The following TIAM1 variants were observed in gnomAD, a reference collection of about 807,000 sequenced individuals.
TIAM1 encodes the protein TIAM Rac1 associated GEF 1.
TIAM1 carries 65 observed loss-of-function variants against 163.5 expected under a neutral mutation model. The observed-to-expected ratio is 0.40, with a 90% confidence interval of 0.33 to 0.49. TIAM1 has a LOEUF of 0.49. Among genes scored for constraint, TIAM1 ranks in the 20% least tolerant of loss-of-function variants. The pLI, the probability that TIAM1 is intolerant of heterozygous loss-of-function variation, is 0.77. For missense variants in TIAM1, 1,789 were observed against 2,044.7 expected, an observed-to-expected ratio of 0.87 and a Z score of 2.41; for synonymous variants, 833 against 810.1, an observed-to-expected ratio of 1.03 and a Z score of -0.48.
chr21:31,387,191 TTC>T (rs201256004), intron 2 of TIAM1, among the ~76,000 whole-genome samples: 1 of 120,992 alleles, frequency 8.3e-6, no homozygotes, highest in Admixed American at 9.7e-5. Flanking sequence ...TAGAAGCTTA[TTC>T]TCTTTTTTTT....
intron 2 of TIAM1, among the ~76,000 whole-genome samples, chr21:31,410,301 AAT>A (rs2077327450): frequency 1.3e-5 from 2 of 151,208 alleles, no homozygotes. Flanking sequence ...TAGTGTGTGT[AAT>A]GAGACAGTGT....
intron 2 of TIAM1, among the ~76,000 whole-genome samples, chr21:31,446,674 A>C (rs968873856): frequency 1.3e-5 from 2 of 152,272 alleles, no homozygotes; most frequent in Admixed American, 6.5e-5. Context: ...CACTCACCAC[A>C]AACAGGAAAT....
intron 4 of TIAM1, among the ~76,000 whole-genome samples, chr21:31,256,803 A>G (rs188008346): frequency 7.2e-5 from 11 of 152,324 alleles, no homozygotes; most frequent in South Asian, 4.1e-4. Flanking sequence ...AAGACACTGT[A>G]TAAGACACTG....
intron 4 of TIAM1, among the ~76,000 whole-genome samples, chr21:31,258,918 T>C (rs1210359972): frequency 6.6e-6 from 1 of 152,134 alleles, no homozygotes; most frequent in African/African-American, 2.4e-5. Context: ...AATGACAATG[T>C]GACAGGCTGG....
intron 2 of TIAM1, among the ~76,000 whole-genome samples, chr21:31,430,241 TATATATACAC>T (rs1167369144): frequency 3.0e-5 from 4 of 133,584 alleles, no homozygotes; most frequent in African/African-American, 1.2e-4. Flanking sequence ...TATATATATA[TATATATACAC>T]ACACACACAC....
At chr21:31,210,298 C>G in intron 10 of TIAM1, 83 bp from the exon 11 acceptor site, 2 of 1,447,498 alleles carry the variant, frequency 1.4e-6, no homozygotes, top group South Asian at 1.3e-5. Context: ...CAGGAATCAC[C>G]GATTCCCATG....
At chr21:31,447,648 C>T (rs911597982) in intron 2 of TIAM1, among the ~76,000 whole-genome samples, 2 of 152,122 alleles carry the variant, frequency 1.3e-5, no homozygotes, top group South Asian at 2.1e-4. Context: ...CTGTGGCTCA[C>T]GTGTTTCCCT....
At chr21:31,297,888 C>T (rs1226305790) in intron 2 of TIAM1, among the ~76,000 whole-genome samples, 4 of 152,096 alleles carry the variant, frequency 2.6e-5, no homozygotes, top group African/African-American at 4.8e-5. Flanking sequence ...ACAGGTTATC[C>T]TAGTGCTCAA....
At chr21:31,256,698 T>C (rs2072130373) in intron 4 of TIAM1, among the ~76,000 whole-genome samples, 1 of 151,588 alleles carries the variant, frequency 6.6e-6, no homozygotes, top group Non-Finnish European at 1.5e-5. Flanking sequence ...ATAATCTCAG[T>C]ACAGCAAGTA....
chr21:31,124,515 A>G lies in TIAM1; in HGVS notation c.4306+7T>C. 1 of 1,612,362 alleles carries G rather than the reference A, an allele frequency of 6.2e-7. No individual in the cohort carries two copies. Among genetic ancestry groups the G allele is most frequent in the Non-Finnish European group, 8.5e-7 (1 of 1,179,764 alleles). On this transcript the variant is annotated splice_region_variant and intron_variant, in intron 27 of 27. Coordinates refer to ENST00000541036, the MANE Select transcript of TIAM1 (RefSeq NM_001353694.2). ...GGGAATCTTGAACGTCCGAATCCCC[A>G]CAGTACCTGCCCTGCTCATGGCCGG... is the stretch of plus-strand genomic sequence containing the variant.
At chr21:31,506,780 T>C (rs2047042455) in intron 1 of TIAM1, among the ~76,000 whole-genome samples, 1 of 152,132 alleles carries the variant, frequency 6.6e-6, no homozygotes, top group Admixed American at 6.5e-5. Flanking sequence ...TAGCCAGGCA[T>C]GGTGGCGCAA....
intron 1 of TIAM1, among the ~76,000 whole-genome samples, chr21:31,500,894 T>TA (rs1272667067): frequency 6.6e-6 from 1 of 152,238 alleles, no homozygotes; most frequent in East Asian, 1.9e-4. Flanking sequence ...TGTGCTATGT[T>TA]ATAACGGCAG....
chr21:31,549,585 G>A (rs959009801), intron 1 of TIAM1, among the ~76,000 whole-genome samples: 1 of 152,158 alleles, frequency 6.6e-6, no homozygotes, highest in Admixed American at 6.6e-5. Flanking sequence ...ATTATTTATT[G>A]GAGAAATGCA....
intron 1 of TIAM1, among the ~76,000 whole-genome samples, chr21:31,551,961 G>A (rs138129062): frequency 7.1e-4 from 108 of 152,034 alleles, no homozygotes; most frequent in African/African-American, 2.5e-3. Context: ...AAACAGGACC[G>A]GGGCAGAAGA....
chr21:31,155,875 AG>A (rs1394333673), intron 16 of TIAM1, among the ~76,000 whole-genome samples: 3 of 152,160 alleles, frequency 2.0e-5, no homozygotes, highest in African/African-American at 4.8e-5. Flanking sequence ...ATTCAACTCT[AG>A]GCACAAAGCA....
intron 2 of TIAM1, among the ~76,000 whole-genome samples, chr21:31,400,444 CT>C (rs2147217181): frequency 6.6e-6 from 1 of 152,210 alleles, no homozygotes; most frequent in East Asian, 1.9e-4. Flanking sequence ...ACCACACTTT[CT>C]GATTTATAAA....
At chr21:31,267,023 A>G (rs765506022) in intron 3 of TIAM1, 40 bp from the exon 4 acceptor site, 17 of 1,553,382 alleles carry the variant, frequency 1.1e-5, no homozygotes, top group Admixed American at 1.8e-5. Flanking sequence ...TTGAGTCACT[A>G]TTAGTACAGG....
chr21:31,410,374 A>T (rs1341990328), intron 2 of TIAM1, among the ~76,000 whole-genome samples: 1 of 151,152 alleles, frequency 6.6e-6, no homozygotes, highest in Non-Finnish European at 1.5e-5. Context: ...AACTGTGTGT[A>T]AGAGTGTGTG....
chr21:31,451,929 C>T (rs1374702354), intron 2 of TIAM1, among the ~76,000 whole-genome samples: 1 of 151,864 alleles, frequency 6.6e-6, no homozygotes, highest in African/African-American at 2.4e-5. Context: ...GTGCTAACAC[C>T]CAGACTAAAA....
Sources: allele counts gnomAD v4.1 joint callset (sites outside exome capture counted in the v4.1 genomes callset), GRCh38; gene constraint gnomAD v4.1.1; transcripts MANE v1.5; gene names NCBI Gene and HGNC (gene_info 2026-07-23, HGNC 2026-07-21).